AHCYL1: variants seen among roughly 807,000 people sequenced by gnomAD.
AHCYL1 encodes the protein adenosylhomocysteinase like 1.
Under a neutral mutation model 79.3 loss-of-function variants are expected in AHCYL1, and 20 were observed. The observed-to-expected ratio is 0.25, with a 90% CI of 0.18 to 0.37. AHCYL1 has a LOEUF of 0.37. Among genes scored for constraint, AHCYL1 ranks in the 10% least tolerant of loss-of-function variants. AHCYL1 has a pLI of 1.00. For synonymous variants in AHCYL1, 223 were observed against 242.2 expected (o/e 0.92, Z 0.74); for missense variants, 330 against 673.6 (o/e 0.49, Z 5.65).
intron 13 of AHCYL1, 54 bp downstream of exon 13, chr1:110,018,704 A>G (rs1178935847): frequency 2.9e-6 from 4 of 1,389,770 alleles, no homozygotes; most frequent in Admixed American, 1.8e-5. Flanking sequence ...AGTTAGATCT[A>G]TGAGGGGGGA....
At chr1:110,004,926 G>C (rs1183780505) in intron 1 of AHCYL1, among the ~76,000 whole-genome samples, 1 of 152,200 alleles carries the variant, frequency 6.6e-6, no homozygotes, top group African/African-American at 2.4e-5. Context: ...ATCTTGAAAA[G>C]TGTTCTGACA....
chr1:109,985,562 C>A, intron 1 of AHCYL1: 1 of 990,754 alleles, frequency 1.0e-6, no homozygotes, highest in Admixed American at 6.1e-5. Flanking sequence ...GTAAATCTGG[C>A]AGAACTTCCA....
In AHCYL1 at chr1:110,014,722, C is replaced by A. The variant is rs768890474; in HGVS notation, c.581-41C>A. 32 of 1,501,610 alleles carry A rather than the reference C, an allele frequency of 2.1e-5. No individual in the cohort carries two copies. The Admixed American group carries it at 4.3e-4, about 20-fold the overall frequency. 93.0% of individuals were successfully genotyped at this position (1,501,610 alleles called of 1,614,324 possible). On this transcript the variant is annotated intron_variant, in intron 5 of 16. Coordinates refer to ENST00000369799, the MANE Select transcript of AHCYL1 (RefSeq NM_006621.7). ...AGAAAGTGATTTGGTACAGGACACT[C>A]CTCAAAGGAGGAATCAGCTGATTCA...
intron 1 of AHCYL1, among the ~76,000 whole-genome samples, chr1:109,986,361 A>G (rs1367317695): frequency 2.6e-5 from 4 of 151,876 alleles, no homozygotes; most frequent in African/African-American, 9.7e-5. Context: ...CTGCCACTCC[A>G]GAAATCAAAT....
chr1:110,007,009 A>T (rs543578778), intron 1 of AHCYL1, among the ~76,000 whole-genome samples: 23 of 152,252 alleles, frequency 1.5e-4, no homozygotes, highest in African/African-American at 5.3e-4. Context: ...GATGGGAAAG[A>T]TTTTGCTTAG....
chr1:109,991,364 A>G (rs1283878967), intron 1 of AHCYL1, among the ~76,000 whole-genome samples: 4 of 152,194 alleles, frequency 2.6e-5, no homozygotes, highest in Admixed American at 6.5e-5. Context: ...AAAAGCCCCA[A>G]CGCCTCCGCT....
At position 110,012,962 on chromosome 1, in the gene AHCYL1, A is replaced by G. The variant is rs778815036; in HGVS notation, c.543A>G (p.Ser181=). 3 of 1,612,972 alleles carry G rather than the reference A, an allele frequency of 1.9e-6. No individual in the cohort carries two copies. Among genetic ancestry groups the G allele is most frequent in the Non-Finnish European group, 1.7e-6 (2 of 1,179,708 alleles). Residue 181 remains serine, a synonymous_variant, in exon 5 of 17, where the codon TCA becomes TCG. Coordinates refer to ENST00000369799, the MANE Select transcript of AHCYL1 (RefSeq NM_006621.7). The part of the protein sequence containing the change: ...QCRWSACNIY[S]TQNEVAAALA... ...GCTGGTCTGCTTGTAACATCTACTC[A>G]ACTCAGAATGAAGTAGCTGCAGCAC...
chr1:110,020,908 C>G (rs562458664), intron 16 of AHCYL1, 57 bp downstream of exon 16: 1 of 1,564,082 alleles, frequency 6.4e-7, no homozygotes, highest in African/African-American at 1.4e-5. Flanking sequence ...ACCAAGCAGG[C>G]TAGCCTGCTT....
chr1:110,013,870 G>A (rs890334998), intron 5 of AHCYL1, among the ~76,000 whole-genome samples: 14 of 144,176 alleles, frequency 9.7e-5, no homozygotes, highest in South Asian at 4.5e-4. Context: ...GCGCAGTCTC[G>A]GCTCACTGCA....
chr1:110,017,474 G>A, intron 9 of AHCYL1, 21 bp from the exon 10 acceptor site: 5 of 1,612,590 alleles, frequency 3.1e-6, no homozygotes, highest in Non-Finnish European at 4.2e-6. Context: ...CTAACGACTT[G>A]ACCTTTCTTT....
In AHCYL1 at chr1:109,984,989, G is replaced by C. The variant is rs1649384040; in HGVS notation, c.-64G>C. 7.2e-7 allele frequency: 1 copy of C among 1,392,540 alleles called. No homozygotes were observed. The highest frequency in any genetic ancestry group is 9.3e-7 in the Non-Finnish European group (1 of 1,074,344). 86.3% of individuals were successfully genotyped at this position (1,392,540 alleles called of 1,614,324 possible). ...CGGAGGGCGCCGCGCGGGCAGGCGG[G>C]CGGGCGCCAGAGGGGGAAAGAGGCG... On this transcript the variant is annotated 5_prime_UTR_variant, in exon 1 of 17. Coordinates refer to ENST00000369799, the MANE Select transcript of AHCYL1 (RefSeq NM_006621.7).
At chr1:110,012,543 T>A (rs1230477279) in intron 4 of AHCYL1, 81 bp downstream of exon 4, 1 of 1,158,406 alleles carries the variant, frequency 8.6e-7, no homozygotes, top group Non-Finnish European at 1.2e-6. Context: ...TTTCCTTTCC[T>A]AACTCGCCAA....
chr1:110,017,710 GTTC>G (rs1651511749), intron 10 of AHCYL1, 127 bp downstream of exon 10: 12 of 1,093,808 alleles, frequency 1.1e-5, no homozygotes, highest in African/African-American at 1.6e-5. Context: ...GGACTGCTCT[GTTC>G]TTCTCACTCT....
Position 109,996,217 on chromosome 1 carries a change from A to G in AHCYL1, c.120+11045A>G, listed in dbSNP as rs570268662. ...AGAGCAAGACTATGTCTCAAAAAAG[A>G]AAAAAAGATGGTAATGCAGCTACCA... On this transcript the variant is annotated intron_variant, in intron 1 of 16. Transcript: ENST00000369799. 4.6e-5 allele frequency among the ~76,000 whole-genome samples: 7 copies of G among 152,268 alleles called. No individual in the cohort carries two copies. The East Asian group carries it at 1.2e-3, about 25-fold the overall frequency.
intron 1 of AHCYL1, among the ~76,000 whole-genome samples, chr1:109,992,430 A>G (rs1460274800): frequency 2.0e-5 from 3 of 148,344 alleles, no homozygotes; most frequent in Admixed American, 6.6e-5. Context: ...AAAAAAAAAA[A>G]GTTAAAGGAC....
intron 16 of AHCYL1, among the ~76,000 whole-genome samples, chr1:110,021,399 A>G (rs1410537264): frequency 2.6e-5 from 4 of 152,216 alleles, no homozygotes; most frequent in South Asian, 2.1e-4. Flanking sequence ...CCAAATTTAC[A>G]AAACATTATT....
intron 1 of AHCYL1, chr1:110,004,090 T>A: frequency 1.0e-6 from 1 of 985,494 alleles, no homozygotes; most frequent in Non-Finnish European, 1.2e-6. Context: ...CCGCGAGCAT[T>A]GACAGAAGAT....
At chr1:109,992,033 G>A (rs1649785435) in intron 1 of AHCYL1, among the ~76,000 whole-genome samples, 2 of 151,864 alleles carry the variant, frequency 1.3e-5, no homozygotes, top group Non-Finnish European at 2.9e-5. Context: ...TCACGTCAAA[G>A]CTTTTGGGCC....
chr1:109,992,606 A>G (rs1024652464), intron 1 of AHCYL1, among the ~76,000 whole-genome samples: 2 of 152,106 alleles, frequency 1.3e-5, no homozygotes, highest in Admixed American at 1.3e-4. Context: ...TTTGTTTCTA[A>G]TTTTAGAAGA....
Sources: allele counts gnomAD v4.1 joint callset (sites outside exome capture counted in the v4.1 genomes callset), GRCh38; gene constraint gnomAD v4.1.1; transcripts MANE v1.5; gene names NCBI Gene and HGNC (gene_info 2026-07-23, HGNC 2026-07-21).